Variants in SORBS3 observed in about 807,000 individuals in gnomAD.
SORBS3 encodes the protein vinexin.
SORBS3 carries 69 observed loss-of-function variants against 98.0 expected under a neutral mutation model. That is an observed-to-expected ratio of 0.70 (90% CI 0.58 to 0.86). The LOEUF (loss-of-function observed/expected upper bound fraction) is 0.86. Ranked by LOEUF, SORBS3 falls within the 40% of genes least tolerant of loss-of-function variation. SORBS3 has a pLI of 0.00. For missense variants in SORBS3, 954 were observed against 908.5 expected (o/e 1.05, Z -0.64); for synonymous variants, 394 against 355.4 (o/e 1.11, Z -1.22).
Position 22,556,773 on chromosome 8 carries a change from G to T in SORBS3, c.279G>T (p.Lys93Asn), listed in dbSNP as rs375258629. Residue 93 changes from lysine to asparagine, a missense_variant, in exon 4 of 21, where the codon AAG becomes AAT. Physicochemically the swap from Lys to Asn is moderately conservative, Grantham distance 94 (BLOSUM62 0). Transcript: ENST00000240123. ...GPGSKPSAST[K>N]IPASQHTQNW... Reference sequence around the variant, plus strand: ...GGAGCAAGCCCTCTGCAAGCACAAAGATCCCTGCCTCCCAGCACACCCAGA... The same window carrying T: ...GGAGCAAGCCCTCTGCAAGCACAAATATCCCTGCCTCCCAGCACACCCAGA... The T allele has an allele frequency of 3.4e-5, 55 of 1,613,688 alleles. No individual in the cohort carries two copies. Among genetic ancestry groups the T allele is most frequent in the Non-Finnish European group, 4.6e-5 (54 of 1,180,034 alleles).
At chr8:22,574,170 T>TCCC (rs1563845513) in intron 20 of SORBS3, among the ~76,000 whole-genome samples, 2 of 135,302 alleles carry the variant, frequency 1.5e-5, no homozygotes, top group African/African-American at 3.3e-5. Context: ...CCCGCTGGGG[T>TCCC]TCCCCCCCCT....
rs542917424 is a variant in SORBS3, at chr8:22,568,607, C to T, written c.1306-541C>T. ...ATATACAGTATTTCACTCCGCCAGT[C>T]GTTTCTATCTTTGTGTGAAATGGTT... On this transcript the variant is annotated intron_variant, in intron 16 of 20. Coordinates refer to ENST00000240123, the MANE Select transcript of SORBS3 (RefSeq NM_005775.5). Among the ~76,000 whole-genome samples the T allele has an allele frequency of 1.2e-4, 19 of 152,258 alleles. No homozygotes were observed. In the East Asian group the frequency reaches 3.5e-3, roughly 28 times the overall value.
At chr8:22,563,320 A>G (rs1840334685) in intron 7 of SORBS3, among the ~76,000 whole-genome samples, 1 of 152,206 alleles carries the variant, frequency 6.6e-6, no homozygotes, top group Admixed American at 6.5e-5. Flanking sequence ...GGAACATTCC[A>G]TGTAAGCCAG....
At chr8:22,565,675 C>A (rs1489493089) in intron 11 of SORBS3, 151 bp from the exon 12 acceptor site, 3 of 1,210,616 alleles carry the variant, frequency 2.5e-6, no homozygotes. Flanking sequence ...TCCCGCCCCG[C>A]TCCCGGGATC....
intron 20 of SORBS3, among the ~76,000 whole-genome samples, chr8:22,574,078 C>G (rs575984959): frequency 2.6e-4 from 39 of 152,192 alleles, no homozygotes; most frequent in Non-Finnish European, 5.4e-4. Context: ...GGGCGTCCTT[C>G]TCTTCATGGC....
At chr8:22,552,053 G>A (rs1840092337) in intron 1 of SORBS3, 31 bp downstream of exon 1, 1 of 985,342 alleles carries the variant, frequency 1.0e-6, no homozygotes, top group Non-Finnish European at 1.2e-6. Flanking sequence ...GCGGGGAGTA[G>A]GCGAGGCCGG....
Position 22,566,818 on chromosome 8 carries a change from C to G in SORBS3, c.1144-4C>G. ...GAGCCCACTCTGTCCTCTCCCCTGC[C>G]TAGAGAAAGGCCGCCAGGCTCAAGT... On this transcript the variant is annotated splice_polypyrimidine_tract_variant and splice_region_variant and intron_variant, in intron 14 of 20. Coordinates refer to ENST00000240123, the MANE Select transcript of SORBS3 (RefSeq NM_005775.5). The G allele has an allele frequency of 6.2e-7, 1 of 1,613,992 alleles. No homozygotes were observed. Among genetic ancestry groups the G allele is most frequent in the Non-Finnish European group, 8.5e-7 (1 of 1,179,936 alleles).
At chr8:22,547,889 C>T (rs927211164), upstream of SORBS3, among the ~76,000 whole-genome samples, 10 of 152,178 alleles carry the variant, frequency 6.6e-5, no homozygotes, top group African/African-American at 2.4e-4. Flanking sequence ...TGAGGACAGG[C>T]GGGATAAATT....
rs762454878 is a variant in SORBS3 at position 22,561,892 on chromosome 8, G to C, written c.545G>C (p.Arg182Thr). The C allele has an allele frequency of 6.2e-7, 1 of 1,614,222 alleles. No homozygotes were observed. Among genetic ancestry groups the C allele is most frequent in the Non-Finnish European group, 8.5e-7 (1 of 1,180,036 alleles). ...RDPRHLGAQQ[R>T]PAHRPGPATS... ...CCCAGGCATCTAGGAGCCCAGCAAA[G>C]ACCTGCCCACAGGCCCGGCCCGGCA... The change falls in exon 7 of 21, where the codon AGA becomes ACA. Residue 182 changes from arginine to threonine, a missense_variant. Transcript: ENST00000240123.
At chr8:22,562,059 C>T (rs1377270194) in intron 7 of SORBS3, 128 bp downstream of exon 7, 2 of 804,044 alleles carry the variant, frequency 2.5e-6, no homozygotes, top group Non-Finnish European at 4.2e-6. Flanking sequence ...GGTCTCACTT[C>T]CGTGTCCGTC....
chr8:22,549,955 G>A, upstream of SORBS3: 1 of 984,868 alleles, frequency 1.0e-6, no homozygotes, highest in Non-Finnish European at 1.2e-6. Flanking sequence ...AGGGGGTATG[G>A]CCAGGATTCC....
At chr8:22,562,976 G>A (rs564021754) in intron 7 of SORBS3, among the ~76,000 whole-genome samples, 37 of 152,118 alleles carry the variant, frequency 2.4e-4, no homozygotes, top group Non-Finnish European at 4.6e-4. Flanking sequence ...AAAATTAGCC[G>A]GGCGCGGTGG....
chr8:22,573,495 C>G, intron 20 of SORBS3: 1 of 445,198 alleles, frequency 2.2e-6, no homozygotes, highest in Non-Finnish European at 4.5e-6. Flanking sequence ...TCCAGTTCCT[C>G]AGTTGCACAG....
intron 5 of SORBS3, chr8:22,560,872 T>TGCGC (rs1289668038): frequency 1.9e-3 from 164 of 84,450 alleles, no homozygotes; most frequent in East Asian, 4.1e-3. Context: ...TGTGTGTGTG[T>TGCGC]GCGCGCGCGC....
chr8:22,556,735 T>C lies in SORBS3; in HGVS notation c.241T>C (p.Trp81Arg), dbSNP rs1319414217. The change falls in exon 4 of 21, where the codon TGG becomes CGG. Residue 81 changes from tryptophan (W) to arginine (R), a missense_variant. Physicochemically the swap from Trp to Arg is moderately radical, Grantham distance 101. Transcript: ENST00000240123. Reference protein sequence around the residue: ...QHPDPAWYQTWPGPGSKPSAS... With the variant: ...QHPDPAWYQTRPGPGSKPSAS... The stretch of plus-strand genomic sequence containing the variant: ...AACAGACCCTGCGTGGTATCAGACC[T>C]GGCCAGGCCCTGGGAGCAAGCCCTC... 6.2e-7 allele frequency: 1 copy of C among 1,613,746 alleles called. No individual in the cohort carries two copies. The highest frequency in any genetic ancestry group is 8.5e-7 in the Non-Finnish European group (1 of 1,180,032).
chr8:22,548,312 G>A (rs1840037217), upstream of SORBS3, among the ~76,000 whole-genome samples: 1 of 152,222 alleles, frequency 6.6e-6, no homozygotes, highest in African/African-American at 2.4e-5. Flanking sequence ...ATTTGCAGGA[G>A]CAGGAATCAA....
intron 20 of SORBS3, 55 bp downstream of exon 20, chr8:22,572,501 G>C: frequency 1.5e-6 from 2 of 1,370,220 alleles, no homozygotes; most frequent in Non-Finnish European, 1.0e-6. Flanking sequence ...TGTGGGTGGG[G>C]TGCTGTTGCC....
intron 20 of SORBS3, chr8:22,573,421 C>T (rs762238292): frequency 6.6e-5 from 30 of 455,564 alleles, no homozygotes; most frequent in Admixed American, 5.9e-4. Flanking sequence ...GTGCCCTTTC[C>T]GGTATGGCAG....
Position 22,564,488 on chromosome 8 carries a change from C to T in SORBS3, c.783C>T (p.Asp261=), listed in dbSNP as rs745685537. 107 of 1,613,970 alleles carry T rather than the reference C, an allele frequency of 6.6e-5. No homozygotes were observed. The East Asian group carries it at 1.8e-3, about 27-fold the overall frequency. ...TGQRPKKPLV[D]DPGEKPSQPI... ...TTCAGCCCAAGAAACCGCTGGTGGA[C>T]GACCCTGGTGAGAAGCCCTCCCAGC... Residue 261 remains aspartate, a synonymous_variant, in exon 10 of 21, where the codon GAC becomes GAT. Coordinates refer to ENST00000240123, the MANE Select transcript of SORBS3 (RefSeq NM_005775.5).
Sources: gnomAD v4.1 joint callset for allele counts (sites outside exome capture counted in the v4.1 genomes callset) on GRCh38, gnomAD v4.1.1 for gene constraint, MANE v1.5 for transcripts, NCBI Gene and HGNC (gene_info 2026-07-23, HGNC 2026-07-21) for gene names.